The following TTC7A variants were observed in gnomAD, a reference collection of about 807,000 sequenced individuals.
The protein encoded by TTC7A is tetratricopeptide repeat domain 7A, also known as tetratricopeptide repeat protein 7A.
Under a neutral mutation model 103.7 loss-of-function variants are expected in TTC7A, and 110 were observed. The observed-to-expected ratio is 1.06, with a 90% CI of 0.91 to 1.24. The LOEUF (loss-of-function observed/expected upper bound fraction) is 1.24. TTC7A is among the 50% of genes most tolerant of loss of function. TTC7A has a pLI of 0.00. For synonymous variants in TTC7A, 521 were observed against 467.9 expected, an observed-to-expected ratio of 1.11 and a Z score of -1.47; for missense variants, 1,340 against 1,116.3, an observed-to-expected ratio of 1.20 and a Z score of -2.86.
chr2:46,931,658 C>T (rs145238942), intron 2 of TTC7A, among the ~76,000 whole-genome samples: 126 of 151,492 alleles, frequency 8.3e-4, no homozygotes, highest in African/African-American at 2.9e-3. Context: ...TAGAGGCCAG[C>T]TGGTTCTTTG....
chr2:47,069,169 G>C (rs1684449646), intron 19 of TTC7A, among the ~76,000 whole-genome samples: 1 of 152,104 alleles, frequency 6.6e-6, no homozygotes, highest in Non-Finnish European at 1.5e-5. Context: ...CCTGATACCA[G>C]CCCAGGAAGG....
chr2:47,034,890 C>T (rs950421610), intron 15 of TTC7A, among the ~76,000 whole-genome samples: 7 of 152,158 alleles, frequency 4.6e-5, no homozygotes, highest in Non-Finnish European at 1.0e-4. Context: ...TATGGGCTTC[C>T]CGACAAGCCA....
Position 46,978,907 on chromosome 2 carries a change from G to A in TTC7A, c.764G>A (p.Gly255Glu), listed in dbSNP as rs750437870. ...GCCTATGTGAAAAACCTGAAGAAGGGGTAGGTCACTGGTAGTTGAGTGAGT... is the reference window on the plus strand; with the variant it reads ...GCCTATGTGAAAAACCTGAAGAAGGAGTAGGTCACTGGTAGTTGAGTGAGT... The part of the protein sequence containing the change: ...QSAYVKNLKK[G>E]NIVKGMRELR... The change falls in exon 5 of 20, where the codon GGG (glycine) becomes GAG (glutamate). Residue 255 changes from glycine (G) to glutamate (E), a missense_variant and splice_region_variant. By Grantham distance (98) the Gly-to-Glu change is moderately conservative. Coordinates refer to ENST00000319190, the MANE Select transcript of TTC7A (RefSeq NM_020458.4). 1.9e-6 allele frequency: 3 copies of A among 1,611,082 alleles called. No individual in the cohort carries two copies. Among genetic ancestry groups the A allele is most frequent in the East Asian group, 2.2e-5 (1 of 44,858 alleles).
chr2:46,968,989 G>A (rs908102979), intron 3 of TTC7A, among the ~76,000 whole-genome samples: 3 of 149,540 alleles, frequency 2.0e-5, no homozygotes, highest in Non-Finnish European at 3.0e-5. Context: ...GGCTGGTCTC[G>A]AACTTCTGGG....
At chr2:46,985,067 C>T (rs938616803) in intron 5 of TTC7A, among the ~76,000 whole-genome samples, 3 of 152,294 alleles carry the variant, frequency 2.0e-5, no homozygotes, top group East Asian at 1.9e-4. Flanking sequence ...GCTGAGGCCA[C>T]GCATGAGGGT....
chr2:46,943,584 A>C (rs1446617329), intron 1 of TTC7A, among the ~76,000 whole-genome samples: 1 of 152,204 alleles, frequency 6.6e-6, no homozygotes, highest in African/African-American at 2.4e-5. Flanking sequence ...GAGGAACAAA[A>C]AAAAATGCCT....
At chr2:47,055,818 G>A (rs577621287) in intron 18 of TTC7A, among the ~76,000 whole-genome samples, 1 of 152,278 alleles carries the variant, frequency 6.6e-6, no homozygotes, top group African/African-American at 2.4e-5. Context: ...AGACTTGGGG[G>A]GCTGGGGTGG....
chr2:46,976,580 G>T (rs903845625), intron 4 of TTC7A, among the ~76,000 whole-genome samples: 2 of 152,206 alleles, frequency 1.3e-5, no homozygotes, highest in African/African-American at 4.8e-5. Context: ...TTTTGGAAGA[G>T]TCCACCCCAG....
At chr2:47,042,675 A>AGT (rs10587096) in intron 15 of TTC7A, among the ~76,000 whole-genome samples, 3,988 of 148,450 alleles carry the variant, frequency 0.027, 81 homozygotes, top group African/African-American at 0.07. Flanking sequence ...CTGAGCCCCA[A>AGT]GTGTGTGTGT....
At chr2:46,960,252 C>T (rs1243914093) in intron 3 of TTC7A, among the ~76,000 whole-genome samples, 4 of 152,182 alleles carry the variant, frequency 2.6e-5, no homozygotes, top group Non-Finnish European at 5.9e-5. Context: ...TCATATTGAC[C>T]TGTTGCTCAG....
At chr2:47,028,559 T>G (rs1680170087) in intron 14 of TTC7A, among the ~76,000 whole-genome samples, 1 of 152,176 alleles carries the variant, frequency 6.6e-6, no homozygotes, top group South Asian at 2.1e-4. Flanking sequence ...GGACCCATGG[T>G]GACCTCTGGT....
At chr2:46,984,723 T>G (rs564605167) in intron 5 of TTC7A, among the ~76,000 whole-genome samples, 1 of 152,294 alleles carries the variant, frequency 6.6e-6, no homozygotes, top group African/African-American at 2.4e-5. Flanking sequence ...TGGTGTACAG[T>G]GCTCTGGGAA....
At chr2:46,950,569 T>A in intron 2 of TTC7A, 43 bp downstream of exon 2, 1 of 1,603,588 alleles carries the variant, frequency 6.2e-7, no homozygotes, top group Non-Finnish European at 8.5e-7. Context: ...TCTCCTCGTC[T>A]GTCTTGCCTC....
At chr2:46,936,859 A>ATT (rs67502094), upstream of TTC7A, among the ~76,000 whole-genome samples, 14 of 142,844 alleles carry the variant, frequency 9.8e-5, no homozygotes, top group Non-Finnish European at 1.5e-4. Context: ...AGGATTCCAA[A>ATT]TTTTTTTTTT....
intron 4 of TTC7A, among the ~76,000 whole-genome samples, chr2:46,977,212 G>A (rs1673966947): frequency 6.6e-6 from 1 of 152,194 alleles, no homozygotes; most frequent in Admixed American, 6.5e-5. Context: ...TGGTAGCAGT[G>A]GGCAGACAAA....
At chr2:46,942,007 T>G (rs1394845533) in intron 1 of TTC7A, among the ~76,000 whole-genome samples, 1 of 152,174 alleles carries the variant, frequency 6.6e-6, no homozygotes, top group African/African-American at 2.4e-5. Context: ...CTGCATATCA[T>G]GAGATCAGTG....
chr2:47,038,551 C>T (rs1485034315), intron 15 of TTC7A, among the ~76,000 whole-genome samples: 1 of 152,174 alleles, frequency 6.6e-6, no homozygotes, highest in East Asian at 1.9e-4. Flanking sequence ...TCAGCACAGC[C>T]ATCAGCTGCA....
At chr2:46,962,053 C>G (rs1460647492) in intron 3 of TTC7A, among the ~76,000 whole-genome samples, 2 of 152,346 alleles carry the variant, frequency 1.3e-5, no homozygotes, top group East Asian at 3.9e-4. Flanking sequence ...CACTGAATTC[C>G]AAGCCTCTTG....
At chr2:47,056,864 C>A (rs565782008) in intron 18 of TTC7A, among the ~76,000 whole-genome samples, 1 of 152,022 alleles carries the variant, frequency 6.6e-6, no homozygotes, top group Admixed American at 6.5e-5. Context: ...GGCCCCTTGA[C>A]GCTGAGGGTG....
Sources: gnomAD v4.1 joint callset for allele counts (sites outside exome capture counted in the v4.1 genomes callset) on GRCh38, gnomAD v4.1.1 for gene constraint, MANE v1.5 for transcripts, NCBI Gene and HGNC (gene_info 2026-07-23, HGNC 2026-07-21) for gene names.